Variants in DDX47 observed in about 807,000 individuals in gnomAD.
DDX47 encodes probable ATP-dependent RNA helicase DDX47.
Under a neutral mutation model 58.8 loss-of-function variants are expected in DDX47, and 60 were observed. That is an observed-to-expected ratio of 1.02 (90% confidence interval 0.83 to 1.26). DDX47 has a LOEUF of 1.26. DDX47 is among the 50% of genes most tolerant of loss of function. The pLI, the probability that DDX47 is intolerant of heterozygous loss-of-function variation, is 0.00. For synonymous variants in DDX47, 197 were observed against 204.6 expected (o/e 0.96, Z 0.32); for missense variants, 530 against 573.2 (o/e 0.92, Z 0.77).
intron 9 of DDX47, 27 bp from the exon 10 acceptor site, chr12:12,825,973 T>G: frequency 6.3e-7 from 1 of 1,585,268 alleles, no homozygotes; most frequent in Non-Finnish European, 8.6e-7. Context: ...CCATATAACT[T>G]GAATTTATTT....
chr12:12,821,177 T>C (rs1592322686), intron 2 of DDX47, 31 bp from the exon 3 acceptor site: 1 of 1,608,998 alleles, frequency 6.2e-7, no homozygotes. Flanking sequence ...GCAAAGAGAT[T>C]ACTTGGCTGT....
At chr12:12,826,687 C>G (rs10845644) in intron 10 of DDX47, among the ~76,000 whole-genome samples, 7 of 151,882 alleles carry the variant, frequency 4.6e-5, no homozygotes, top group African/African-American at 1.7e-4. Flanking sequence ...TGAGCTCAAG[C>G]GATCCACCTG....
In DDX47 at chr12:12,829,456, T is replaced by A. The variant is rs1343505452; in HGVS notation, c.1270T>A (p.Ser424Thr). The A allele has an allele frequency of 1.2e-6, 2 of 1,613,350 alleles. No individual in the cohort carries two copies. The highest frequency in any genetic ancestry group is 1.7e-6 in the Non-Finnish European group (2 of 1,179,774). ...GGAGCATGGAGAAAAGAAGAAACGC[T>A]CGCGAGAGGATGCTGGAGATAATGA... ...LREHGEKKKR[S>T]REDAGDNDDT... The change falls in exon 12 of 12, where the codon TCG becomes ACG. Residue 424 changes from serine (S) to threonine (T), a missense_variant. Transcript: ENST00000358007.
chr12:12,827,940 A>G (rs1434834265), intron 11 of DDX47, among the ~76,000 whole-genome samples: 3 of 142,116 alleles, frequency 2.1e-5, no homozygotes, highest in Admixed American at 1.5e-4. Flanking sequence ...GAATGGTGCA[A>G]TCTCGGCTCA....
rs1291114071 is a variant in DDX47, at chr12:12,824,688, T to C, written c.1035+11T>C. ...CCTACCCATTCCAAGGTGAGTCCTATTGCTAACTTACCTTTCTAGTCCTAA... is the reference window on the plus strand; with the variant it reads ...CCTACCCATTCCAAGGTGAGTCCTACTGCTAACTTACCTTTCTAGTCCTAA... On this transcript the variant is annotated intron_variant, in intron 9 of 11. Transcript: ENST00000358007. 6.2e-7 allele frequency: 1 copy of C among 1,612,546 alleles called. No individual in the cohort carries two copies. Among genetic ancestry groups the C allele is most frequent in the Admixed American group, 1.7e-5 (1 of 59,752 alleles).
chr12:12,822,900 T>C (rs1862993930), intron 6 of DDX47, among the ~76,000 whole-genome samples, 168 bp downstream of exon 6: 1 of 152,220 alleles, frequency 6.6e-6, no homozygotes, highest in Non-Finnish European at 1.5e-5. Flanking sequence ...TGACTCACAG[T>C]TCCACATGGC....
rs759688175 is a variant in DDX47, at chr12:12,827,271, A to G, written c.1132A>G (p.Ile378Val). The change falls in exon 11 of 12, where the codon ATA (isoleucine) becomes GTA (valine). Residue 378 changes from isoleucine to valine, a missense_variant. Coordinates refer to ENST00000358007, the MANE Select transcript of DDX47 (RefSeq NM_016355.4). The stretch of plus-strand genomic sequence containing the variant: ...GTATGATGTGGAACTCTTCCAGCGC[A>G]TAGAACACTTAATTGGGAAGAAACT... Reference protein sequence around the residue: ...TQYDVELFQRIEHLIGKKLPG... With the variant: ...TQYDVELFQRVEHLIGKKLPG... The G allele has an allele frequency of 4.3e-6, 7 of 1,614,074 alleles. No individual in the cohort carries two copies. Among genetic ancestry groups the G allele is most frequent in the South Asian group, 3.3e-5 (3 of 91,088 alleles).
Position 12,813,401 on chromosome 12 carries a change from G to A in DDX47, c.34G>A (p.Glu12Lys). 6.2e-7 allele frequency: 1 copy of A among 1,613,486 alleles called. No individual in the cohort carries two copies. The highest frequency in any genetic ancestry group is 8.5e-7 in the Non-Finnish European group (1 of 1,179,726). The change falls in exon 1 of 12, where the codon GAA (glutamate) becomes AAA (lysine). Residue 12 changes from glutamate (E) to lysine (K), a missense_variant. Transcript: ENST00000358007. The part of the protein sequence containing the change: ...AAPEEHDSPT[E>K]ASQPIVEEEE... ...ACCCGAGGAACACGATTCTCCGACCGAAGCGTCCCAGCCGATTGTGGAAGA... is the reference window on the plus strand; with the variant it reads ...ACCCGAGGAACACGATTCTCCGACCAAAGCGTCCCAGCCGATTGTGGAAGA...
chr12:12,825,746 C>A (rs908532793), intron 9 of DDX47, among the ~76,000 whole-genome samples: 17 of 152,066 alleles, frequency 1.1e-4, no homozygotes, highest in Non-Finnish European at 2.2e-4. Flanking sequence ...ATGCAGCCTG[C>A]GACCATGTAG....
In DDX47 at chr12:12,824,631, C is replaced by G. The variant is rs1168153881; in HGVS notation, c.989C>G (p.Pro330Arg). ...TDVASRGLDI[P>R]HVDVVVNFDI... ...GTTGCCAGCCGAGGTTTGGACATACCTCATGTAGATGTGGTTGTCAACTTT... is the reference window on the plus strand; with the variant it reads ...GTTGCCAGCCGAGGTTTGGACATACGTCATGTAGATGTGGTTGTCAACTTT... The change falls in exon 9 of 12, where the codon CCT (proline) becomes CGT (arginine). Residue 330 changes from proline (P) to arginine (R), a missense_variant. Coordinates refer to ENST00000358007, the MANE Select transcript of DDX47 (RefSeq NM_016355.4). 6.2e-7 allele frequency: 1 copy of G among 1,614,210 alleles called. No individual in the cohort carries two copies. Among genetic ancestry groups the G allele is most frequent in the Non-Finnish European group, 8.5e-7 (1 of 1,180,026 alleles).
At chr12:12,815,157 G>A (rs1451239289) in intron 2 of DDX47, among the ~76,000 whole-genome samples, 2 of 152,136 alleles carry the variant, frequency 1.3e-5, no homozygotes, top group Non-Finnish European at 2.9e-5. Flanking sequence ...GAGGGGTAAT[G>A]TGGCTAATTA....
chr12:12,817,238 T>C (rs1719174458), intron 2 of DDX47, among the ~76,000 whole-genome samples: 1 of 152,236 alleles, frequency 6.6e-6, no homozygotes, highest in Non-Finnish European at 1.5e-5. Context: ...CTTATAACAA[T>C]GCTGAATGGT....
intron 1 of DDX47, among the ~76,000 whole-genome samples, chr12:12,813,893 C>T (rs1046311507): frequency 1.3e-5 from 2 of 152,128 alleles, no homozygotes; most frequent in East Asian, 1.9e-4. Context: ...ATTGTTGTGA[C>T]GATTAAATGA....
rs1354059622 is a variant in DDX47 at position 12,827,869 on chromosome 12, C to CTTTTTTTTTTTTTTTTTTTTTTTT, written c.1236+500_1236+501insTTTTTTTTTTTTTTTTTTTTTTTT. On this transcript the variant is annotated intron_variant, in intron 11 of 11. Coordinates refer to ENST00000358007, the MANE Select transcript of DDX47 (RefSeq NM_016355.4). ...TCCAAAACCAAGATCCAAAACTTTT[C>CTTTTTTTTTTTTTTTTTTTTTTTT]TTTTTTCTTTTTTTTTTTTTTTTTG... Among the ~76,000 whole-genome samples, 2 of 109,692 alleles carry CTTTTTTTTTTTTTTTTTTTTTTTT rather than the reference C, an allele frequency of 1.8e-5. 1 individual carries two copies. Among genetic ancestry groups the CTTTTTTTTTTTTTTTTTTTTTTTT allele is most frequent in the African/African-American group, 6.8e-5 (2 of 29,528 alleles). The allele number at this position is 109,692 out of a possible 152,430, so 72.0% of individuals were successfully genotyped here.
chr12:12,822,038 C>G lies in DDX47; in HGVS notation c.516C>G (p.Val172=). ...GFNLRALKYL[V]MDEADRILNM... is the part of the protein sequence containing the mutation. ...ACTTGAGAGCTCTCAAATACTTGGTCATGGATGAAGCCGACCGAATACTGA... is the reference window on the plus strand; with the variant it reads ...ACTTGAGAGCTCTCAAATACTTGGTGATGGATGAAGCCGACCGAATACTGA... The change falls in exon 5 of 12, where the codon GTC becomes GTG. Residue 172 remains valine (V), a synonymous_variant. Transcript: ENST00000358007. 6.2e-7 allele frequency: 1 copy of G among 1,613,874 alleles called. No homozygotes were observed. The highest frequency in any genetic ancestry group is 8.5e-7 in the Non-Finnish European group (1 of 1,179,932).
rs750135155 is a variant in DDX47 at position 12,821,393 on chromosome 12, A to C, written c.367A>C (p.Ser123Arg). 31 of 1,614,034 alleles carry C rather than the reference A, an allele frequency of 1.9e-5. No individual in the cohort carries two copies. Among genetic ancestry groups the C allele is most frequent in the Admixed American group, 5.0e-5 (3 of 60,000 alleles). Residue 123 changes from serine (S) to arginine (R), a missense_variant, in exon 3 of 12, where the codon AGT (serine) becomes CGT (arginine). Physicochemically the swap from Ser to Arg is moderately radical, Grantham distance 110 (BLOSUM62 -1). Coordinates refer to ENST00000358007, the MANE Select transcript of DDX47 (RefSeq NM_016355.4). Reference protein sequence around the residue: ...EALGSSIGVQSAVIVGGIDSM... With the variant: ...EALGSSIGVQRAVIVGGIDSM... ...CCTGGGGTCCTCTATTGGAGTGCAG[A>C]GTGGTAAGTGTCTGAGAGGGAAGGG... is the stretch of plus-strand genomic sequence containing the variant.
intron 2 of DDX47, among the ~76,000 whole-genome samples, chr12:12,816,896 A>G (rs777035676): frequency 1.3e-5 from 2 of 152,218 alleles, no homozygotes; most frequent in Non-Finnish European, 2.9e-5. Context: ...GAGTCAAAAT[A>G]GCTGGCAGTA....
At chr12:12,818,911 T>G (rs1391570408) in intron 2 of DDX47, among the ~76,000 whole-genome samples, 1 of 152,206 alleles carries the variant, frequency 6.6e-6, no homozygotes, top group Non-Finnish European at 1.5e-5. Flanking sequence ...ATGATTCAAA[T>G]TATCTCCCAC....
chr12:12,826,849 C>T (rs1863058713), intron 10 of DDX47, among the ~76,000 whole-genome samples: 2 of 152,132 alleles, frequency 1.3e-5, no homozygotes, highest in South Asian at 4.1e-4. Context: ...CTTCAAACTC[C>T]TGGGCTCAAG....
Sources: gnomAD v4.1 joint callset for allele counts (sites outside exome capture counted in the v4.1 genomes callset) on GRCh38, gnomAD v4.1.1 for gene constraint, MANE v1.5 for transcripts, NCBI Gene and HGNC (gene_info 2026-07-23, HGNC 2026-07-21) for gene names.